Variants in RORB observed in about 807,000 individuals in gnomAD.
RORB encodes RAR related orphan receptor B, also known as nuclear receptor ROR-beta.
In RORB, 6 loss-of-function variants were observed where a neutral mutation model predicts 59.1. The observed-to-expected ratio is 0.10, with a 90% CI of 0.06 to 0.20. RORB has a LOEUF of 0.20. RORB is among the 10% of genes least tolerant of loss of function. The pLI, the probability that RORB is intolerant of heterozygous loss-of-function variation, is 1.00. For synonymous variants in RORB, 215 were observed against 204.5 expected, an observed-to-expected ratio of 1.05 and a Z score of -0.44; for missense variants, 320 against 560.5, an observed-to-expected ratio of 0.57 and a Z score of 4.33.
intron 3 of RORB, among the ~76,000 whole-genome samples, chr9:74,636,246 A>G (rs1038425896): frequency 1.2e-4 from 18 of 152,142 alleles, no homozygotes; most frequent in African/African-American, 4.1e-4. Context: ...CTTCATTTCT[A>G]CCATGTGGCA....
chr9:74,670,868 G>T (rs950508599), intron 8 of RORB, among the ~76,000 whole-genome samples: 3 of 152,170 alleles, frequency 2.0e-5, no homozygotes, highest in Admixed American at 2.0e-4. Flanking sequence ...TTAACTGTTG[G>T]CTAGACTTGT....
At chr9:74,677,205 C>T (rs1026012817) in intron 9 of RORB, among the ~76,000 whole-genome samples, 3 of 152,184 alleles carry the variant, frequency 2.0e-5, no homozygotes, top group Non-Finnish European at 4.4e-5. Context: ...CAGCTTTCCC[C>T]ATCACACACC....
At chr9:74,531,249 G>A (rs373664647) in intron 1 of RORB, among the ~76,000 whole-genome samples, 56 of 152,020 alleles carry the variant, frequency 3.7e-4, no homozygotes, top group Middle Eastern at 3.4e-3. Flanking sequence ...GTATCAAAGC[G>A]ACAATGATTG....
intron 1 of RORB, among the ~76,000 whole-genome samples, chr9:74,625,062 G>A (rs1166022230): frequency 6.6e-6 from 1 of 152,024 alleles, no homozygotes; most frequent in Non-Finnish European, 1.5e-5. Flanking sequence ...AGAAAACAAA[G>A]ATGCTACAAG....
intron 1 of RORB, among the ~76,000 whole-genome samples, chr9:74,620,406 T>C (rs1379690178): frequency 6.6e-6 from 1 of 152,206 alleles, no homozygotes; most frequent in African/African-American, 2.4e-5. Flanking sequence ...TATCATTTTT[T>C]ATTGTGTCTA....
At chr9:74,536,914 C>T (rs981183625) in intron 1 of RORB, among the ~76,000 whole-genome samples, 3 of 151,920 alleles carry the variant, frequency 2.0e-5, no homozygotes, top group Admixed American at 6.6e-5. Context: ...ATGACCCACA[C>T]GAGGGAGAAT....
At chr9:74,591,891 G>A (rs1945546008) in intron 1 of RORB, among the ~76,000 whole-genome samples, 1 of 151,910 alleles carries the variant, frequency 6.6e-6, no homozygotes, top group Non-Finnish European at 1.5e-5. Context: ...AATGTTATAT[G>A]GGGAGTGTGT....
At chr9:74,676,558 T>C (rs1824445054) in intron 9 of RORB, among the ~76,000 whole-genome samples, 1 of 152,256 alleles carries the variant, frequency 6.6e-6, no homozygotes, top group South Asian at 2.1e-4. Flanking sequence ...TGCCTCACCA[T>C]GTGCTTTACA....
At chr9:74,662,750 T>G (rs1033929304) in intron 6 of RORB, 144 bp downstream of exon 6, 1 of 817,654 alleles carries the variant, frequency 1.2e-6, no homozygotes, top group Admixed American at 2.2e-5. Context: ...AAGGAAACTC[T>G]CAGTAATAAA....
At chr9:74,569,491 A>G (rs1336100684) in intron 1 of RORB, among the ~76,000 whole-genome samples, 1 of 152,010 alleles carries the variant, frequency 6.6e-6, no homozygotes, top group Non-Finnish European at 1.5e-5. Flanking sequence ...ATTACATACC[A>G]AAAAAAGGAA....
intron 1 of RORB, among the ~76,000 whole-genome samples, chr9:74,598,016 G>A (rs1428187368): frequency 1.3e-5 from 2 of 151,852 alleles, no homozygotes; most frequent in Non-Finnish European, 2.9e-5. Flanking sequence ...ATATACATTA[G>A]GTTAAATAAA....
At position 74,691,769 on chromosome 9, in the gene RORB, T is replaced by C. The variant is rs553787008; in HGVS notation, c.*6151T>C. On this transcript the variant is annotated 3_prime_UTR_variant, in exon 10 of 10. Transcript: ENST00000376896. ...TGTTATGTACTTCTCAGTTTTTTAA[T>C]GGAAACTGGTTGTAACAGTTTAAGC... 6.6e-6 allele frequency: 1 copy of C among 152,266 alleles called. No individual in the cohort carries two copies. The highest frequency in any genetic ancestry group is 2.4e-5 in the African/African-American group (1 of 41,560). The allele number at this position is 152,266 out of a possible 1,614,324, so 9.4% of individuals were successfully genotyped here. A position where few individuals can be genotyped will look rare whatever the true frequency, so the allele number is the denominator to read the frequency against.
chr9:74,601,267 T>A (rs1354868395), intron 1 of RORB, among the ~76,000 whole-genome samples: 2 of 151,702 alleles, frequency 1.3e-5, no homozygotes, highest in Admixed American at 6.6e-5. Context: ...TTAAGGCACA[T>A]CACATCAAGA....
chr9:74,662,383 C>A, intron 5 of RORB, 91 bp from the exon 6 acceptor site: 2 of 1,244,054 alleles, frequency 1.6e-6, no homozygotes, highest in Non-Finnish European at 2.3e-6. Flanking sequence ...CCCCAAGTGA[C>A]AGATAAGCAC....
At chr9:74,512,213 T>C (rs1278939008) in intron 1 of RORB, among the ~76,000 whole-genome samples, 1 of 152,180 alleles carries the variant, frequency 6.6e-6, no homozygotes, top group Non-Finnish European at 1.5e-5. Flanking sequence ...AACTAGCTTG[T>C]GTCTATCCCC....
intron 1 of RORB, among the ~76,000 whole-genome samples, chr9:74,601,034 AC>A (rs1823045995): frequency 6.6e-6 from 1 of 152,172 alleles, no homozygotes; most frequent in Non-Finnish European, 1.5e-5. Context: ...ATTAGCAATT[AC>A]TATTTTTTAA....
chr9:74,656,248 C>T (rs531984969), intron 4 of RORB, among the ~76,000 whole-genome samples: 181 of 152,224 alleles, frequency 1.2e-3, no homozygotes, highest in Non-Finnish European at 1.7e-3. Flanking sequence ...TATTTTGTCT[C>T]GGTGCCACAT....
intron 1 of RORB, among the ~76,000 whole-genome samples, chr9:74,614,266 G>C (rs143623054): frequency 6.6e-6 from 1 of 152,120 alleles, no homozygotes; most frequent in African/African-American, 2.4e-5. Context: ...GGGGTAGTAC[G>C]GAGGGCTGAG....
intron 1 of RORB, among the ~76,000 whole-genome samples, chr9:74,588,117 T>C (rs1822830644): frequency 6.6e-6 from 1 of 152,130 alleles, no homozygotes; most frequent in South Asian, 2.1e-4. Flanking sequence ...TTCAAAATAT[T>C]TAATAAGGCA....
Sources: allele counts gnomAD v4.1 joint callset (sites outside exome capture counted in the v4.1 genomes callset), GRCh38; gene constraint gnomAD v4.1.1; transcripts MANE v1.5; gene names NCBI Gene and HGNC (gene_info 2026-07-23, HGNC 2026-07-21).